Variants in RFT1 observed in about 807,000 individuals in gnomAD.
RFT1 encodes the protein RFT1 glycolipid translocator homolog.
Under a neutral mutation model 62.2 loss-of-function variants are expected in RFT1, and 43 were observed. The observed-to-expected ratio is 0.69, with a 90% CI of 0.54 to 0.89. RFT1 has a LOEUF of 0.89. RFT1 is among the 40% of genes least tolerant of loss of function. The pLI is 0.00. For synonymous variants in RFT1, 262 were observed against 264.6 expected, an observed-to-expected ratio of 0.99 and a Z score of 0.10; for missense variants, 605 against 649.9, an observed-to-expected ratio of 0.93 and a Z score of 0.75.
rs138775144 is a variant in RFT1 at position 53,089,827 on chromosome 3, G to C, written c.*2076C>G. ...TGGGCGAACAGCAGGGGAGGGATGA[G>C]AGAGTGAGCACTGCCTTCAGACATA... is the stretch of plus-strand genomic sequence containing the variant. On this transcript the variant is annotated 3_prime_UTR_variant, in exon 13 of 13. Coordinates refer to ENST00000296292, the MANE Select transcript of RFT1 (RefSeq NM_052859.4). 1 of 152,416 alleles carries C rather than the reference G, an allele frequency of 6.6e-6. No homozygotes were observed. Among genetic ancestry groups the C allele is most frequent in the Non-Finnish European group, 1.5e-5 (1 of 68,148 alleles). 9.4% of individuals were successfully genotyped at this position (152,416 alleles called of 1,614,324 possible). A position where few individuals can be genotyped will look rare whatever the true frequency, so the allele number is the denominator to read the frequency against.
rs1195117913 is a variant in RFT1 at position 53,105,563 on chromosome 3, A to C, written c.957+110T>G. 8 of 1,332,662 alleles carry C rather than the reference A, an allele frequency of 6.0e-6. No individual in the cohort carries two copies. In the African/African-American group the frequency reaches 1.0e-4, roughly 17 times the overall value. 82.6% of individuals were successfully genotyped at this position (1,332,662 alleles called of 1,614,324 possible). A position where few individuals can be genotyped will look rare whatever the true frequency, so the allele number is the denominator to read the frequency against. On this transcript the variant is annotated intron_variant, in intron 9 of 12. Coordinates refer to ENST00000296292, the MANE Select transcript of RFT1 (RefSeq NM_052859.4). ...AGAATGTAATAGAAGAATGAAATCT[A>C]TAAGAAAATTCCTGATCAAACAGAA...
downstream of RFT1, among the ~76,000 whole-genome samples, chr3:53,087,130 G>A (rs1270804195): frequency 6.6e-6 from 1 of 152,156 alleles, no homozygotes; most frequent in Admixed American, 6.5e-5. Context: ...CCCAGCTACT[G>A]GGAGGCTGAG....
chr3:53,121,777 T>A lies in RFT1; in HGVS notation c.480A>T (p.Val160=), dbSNP rs929321930. The A allele has an allele frequency of 2.5e-6, 4 of 1,613,774 alleles. No homozygotes were observed. The highest frequency in any genetic ancestry group is 1.7e-5 in the Admixed American group (1 of 59,988). The change falls in exon 5 of 13, where the codon GTA becomes GTT. Residue 160 remains valine (V), a synonymous_variant. Transcript: ENST00000296292. The part of the protein sequence containing the change: ...KLKVIAESLS[V]ILKSVLTAFL... ...AAGCTGTCAGAACGCTCTTAAGAAT[T>A]ACCGACAGGCTCTCTGCAATCACCT...
intron 1 of RFT1, among the ~76,000 whole-genome samples, chr3:53,127,079 T>C (rs367826735): frequency 1.4e-4 from 22 of 152,028 alleles, no homozygotes; most frequent in African/African-American, 4.8e-4. Context: ...GAGTCAAAGG[T>C]GGTCTTTTGA....
chr3:53,068,789 A>G, the RFT1 span, among the ~76,000 whole-genome samples: 1 of 152,172 alleles, frequency 6.6e-6, no homozygotes, highest in Non-Finnish European at 1.5e-5. Flanking sequence ...TTACTTTACA[A>G]TGGTGCAAAA....
chr3:53,092,613 T>C lies in RFT1; in HGVS notation c.1214A>G (p.Asn405Ser), dbSNP rs111924005. The C allele has an allele frequency of 8.1e-6, 13 of 1,610,256 alleles. No homozygotes were observed. Among genetic ancestry groups the C allele is most frequent in the Admixed American group, 1.7e-5 (1 of 59,496 alleles). The change falls in exon 12 of 13, where the codon AAT (asparagine) becomes AGT (serine). Residue 405 changes from asparagine to serine, a missense_variant. Coordinates refer to ENST00000296292, the MANE Select transcript of RFT1 (RefSeq NM_052859.4). Reference protein sequence around the residue: ...AMSKEEVDRYNFVMLALSSSF... With the variant: ...AMSKEEVDRYSFVMLALSSSF... Reference sequence around the variant, plus strand: ...GGAGGACAGGGCCAGCATCACAAAATTGTACCTGGGGAGGAGACAGGAAAA... The same window carrying C: ...GGAGGACAGGGCCAGCATCACAAAACTGTACCTGGGGAGGAGACAGGAAAA...
At chr3:53,111,718 T>C (rs1402444172) in intron 7 of RFT1, 112 bp downstream of exon 7, 1 of 884,742 alleles carries the variant, frequency 1.1e-6, no homozygotes, top group Non-Finnish European at 1.9e-6. Context: ...ATTTCTGAAA[T>C]TCTTCTGCCC....
rs2107095460 is a variant in RFT1, at chr3:53,099,490, C to T, written c.1103-4G>A. ...TAGGAACGCAGCAAAACAGGACCTA[C>T]AAGGAAACAACTCACTGAGACTCCA... is the stretch of plus-strand genomic sequence containing the variant. On this transcript the variant is annotated splice_polypyrimidine_tract_variant and splice_region_variant and intron_variant, in intron 10 of 12. Coordinates refer to ENST00000296292, the MANE Select transcript of RFT1 (RefSeq NM_052859.4). 6.2e-7 allele frequency: 1 copy of T among 1,612,768 alleles called. No individual in the cohort carries two copies. Among genetic ancestry groups the T allele is most frequent in the East Asian group, 2.2e-5 (1 of 44,844 alleles).
At chr3:53,088,067 G>A (rs1700897275), downstream of RFT1, among the ~76,000 whole-genome samples, 1 of 152,230 alleles carries the variant, frequency 6.6e-6, no homozygotes, top group Non-Finnish European at 1.5e-5. Flanking sequence ...ATATTAGAGT[G>A]AAGGGGCTGT....
the RFT1 span, among the ~76,000 whole-genome samples, chr3:53,073,569 C>T: frequency 1.3e-5 from 2 of 152,224 alleles, no homozygotes; most frequent in Non-Finnish European, 2.9e-5. Context: ...CAGGAGGCCC[C>T]CTCTGCGCCT....
chr3:53,130,215 C>A, intron 1 of RFT1, 123 bp downstream of exon 1: 1 of 972,454 alleles, frequency 1.0e-6, no homozygotes, highest in South Asian at 1.4e-5. Context: ...CCCCCCACCC[C>A]CTCCATTGCG....
chr3:53,095,711 G>A (rs1197261335), intron 11 of RFT1, among the ~76,000 whole-genome samples: 1 of 106,310 alleles, frequency 9.4e-6, no homozygotes, highest in East Asian at 2.8e-4. Context: ...GTGAGACCCT[G>A]TCTCAAAAAA....
At chr3:53,073,592 C>G in the RFT1 span, among the ~76,000 whole-genome samples, 2 of 152,222 alleles carry the variant, frequency 1.3e-5, no homozygotes, top group Non-Finnish European at 2.9e-5. Context: ...CTTCCAGGCC[C>G]TGAGCCCATC....
intron 5 of RFT1, among the ~76,000 whole-genome samples, chr3:53,120,351 G>A (rs752168960): frequency 2.0e-5 from 3 of 152,164 alleles, no homozygotes; most frequent in Non-Finnish European, 4.4e-5. Flanking sequence ...CCAAAGGAAC[G>A]GCTCTTCCAC....
rs745687063 is a variant in RFT1, at chr3:53,106,844, C to A, written c.801G>T (p.Leu267Phe). ...CCTGATCACCAAAGTTCAATACATT[C>A]AAAAATGTCATCACATATCGCTCGC... is the stretch of plus-strand genomic sequence containing the variant. The part of the protein sequence containing the change: ...TEGERYVMTF[L>F]NVLNFGDQGV... The change falls in exon 8 of 13, where the codon TTG becomes TTT. Residue 267 changes from leucine (L) to phenylalanine (F), a missense_variant. Leu to Phe is a conservative substitution (Grantham distance 22). Transcript: ENST00000296292. 3.5e-5 allele frequency: 56 copies of A among 1,613,190 alleles called. No homozygotes were observed. Among genetic ancestry groups the A allele is most frequent in the Middle Eastern group, 3.3e-4 (2 of 6,082 alleles).
chr3:53,112,419 G>A (rs1364102864), intron 6 of RFT1, among the ~76,000 whole-genome samples: 1 of 152,164 alleles, frequency 6.6e-6, no homozygotes, highest in Non-Finnish European at 1.5e-5. Flanking sequence ...ACAGAGGAAC[G>A]GAGAAAATAA....
chr3:53,110,415 G>A (rs1410532741), intron 7 of RFT1, among the ~76,000 whole-genome samples: 1 of 152,228 alleles, frequency 6.6e-6, no homozygotes, highest in African/African-American at 2.4e-5. Flanking sequence ...CAGGAGCTAA[G>A]TGCTCAGGCC....
intron 9 of RFT1, among the ~76,000 whole-genome samples, chr3:53,105,269 C>G (rs1365978659): frequency 6.6e-6 from 1 of 152,172 alleles, no homozygotes; most frequent in African/African-American, 2.4e-5. Flanking sequence ...CATAAATTAG[C>G]TGGGTGTGGT....
chr3:53,069,052 G>A, the RFT1 span, among the ~76,000 whole-genome samples: 1 of 152,238 alleles, frequency 6.6e-6, no homozygotes, highest in Non-Finnish European at 1.5e-5. Flanking sequence ...CGATTCTCCT[G>A]CCTCAGCTTC....
Sources: gnomAD v4.1 joint callset for allele counts (sites outside exome capture counted in the v4.1 genomes callset) on GRCh38, gnomAD v4.1.1 for gene constraint, MANE v1.5 for transcripts, NCBI Gene and HGNC (gene_info 2026-07-23, HGNC 2026-07-21) for gene names.